SHPRH: variants seen among roughly 807,000 people sequenced by gnomAD.
SHPRH encodes the protein E3 ubiquitin-protein ligase SHPRH.
In SHPRH, 106 loss-of-function variants were observed where a neutral mutation model predicts 202.5. That is an observed-to-expected ratio of 0.52 (90% CI 0.45 to 0.62). SHPRH has a LOEUF of 0.62. Among genes scored for constraint, SHPRH ranks in the 20% least tolerant of loss-of-function variants. SHPRH has a pLI of 0.00. For missense variants in SHPRH, 1,710 were observed against 2,020.0 expected, an observed-to-expected ratio of 0.85 and a Z score of 2.94; for synonymous variants, 729 against 686.0, an observed-to-expected ratio of 1.06 and a Z score of -0.98.
chr6:145,940,216 T>C (rs1251137003), intron 11 of SHPRH, among the ~76,000 whole-genome samples: 1 of 152,128 alleles, frequency 6.6e-6, no homozygotes, highest in Non-Finnish European at 1.5e-5. Context: ...TATATACATA[T>C]AGTGTGACAT....
downstream of SHPRH, among the ~76,000 whole-genome samples, chr6:145,882,237 G>A (rs1319425903): frequency 1.3e-5 from 2 of 152,172 alleles, no homozygotes; most frequent in African/African-American, 2.4e-5. Context: ...TAAACGAGAT[G>A]ACTGCTTGAG....
downstream of SHPRH, among the ~76,000 whole-genome samples, chr6:145,880,347 G>A (rs1260004078): frequency 6.6e-6 from 1 of 152,036 alleles, no homozygotes; most frequent in East Asian, 1.9e-4. Flanking sequence ...TAAAAATACA[G>A]GCTGAGTGCA....
At chr6:145,903,623 GC>G (rs1317460426) in intron 25 of SHPRH, 1 of 152,032 alleles carries the variant, frequency 6.6e-6, no homozygotes, top group African/African-American at 2.4e-5. Flanking sequence ...GACAAAAAAA[GC>G]AATTGTGTAG....
At chr6:145,911,392 G>C (rs955108691) in intron 24 of SHPRH, among the ~76,000 whole-genome samples, 14 of 151,930 alleles carry the variant, frequency 9.2e-5, no homozygotes, top group African/African-American at 2.9e-4. Context: ...CTTCGGCCTG[G>C]GATTACAGGT....
At chr6:145,869,624 T>A (rs1779961612) in intron 2 of SHPRH, among the ~76,000 whole-genome samples, 1 of 152,186 alleles carries the variant, frequency 6.6e-6, no homozygotes, top group Non-Finnish European at 1.5e-5. Flanking sequence ...TTATCAAAGA[T>A]TAGTTGGCTA....
intron 8 of SHPRH, among the ~76,000 whole-genome samples, chr6:145,944,727 T>C (rs992701804): frequency 3.3e-5 from 5 of 152,138 alleles, no homozygotes; most frequent in African/African-American, 7.2e-5. Flanking sequence ...TCTTTATTTA[T>C]GATTGCAAAT....
At chr6:145,890,719 A>C (rs529300006) in intron 28 of SHPRH, among the ~76,000 whole-genome samples, 56 of 152,228 alleles carry the variant, frequency 3.7e-4, no homozygotes, top group Middle Eastern at 6.8e-3. Context: ...TACAGAATAG[A>C]AATCTCCATT....
At chr6:145,927,695 T>TA (rs746002559) in intron 14 of SHPRH, among the ~76,000 whole-genome samples, 3 of 150,372 alleles carry the variant, frequency 2.0e-5, no homozygotes, top group Non-Finnish European at 3.0e-5. Context: ...GATTATTTAT[T>TA]AAAAAAAAAA....
chr6:145,864,698 AG>A lies in SHPRH; in HGVS notation c.222-208del, dbSNP rs1779693903. On this transcript the variant is annotated intron_variant, in intron 2 of 2. Transcript: ENST00000417762. ...TTAAAATGTTTGGAGAATAAAGCTAAGGTTAAAAAAAAAGAGAAACTGCATT... is the reference window on the plus strand; with the variant it reads ...TTAAAATGTTTGGAGAATAAAGCTAAGTTAAAAAAAAAGAGAAACTGCATT... Among the ~76,000 whole-genome samples the A allele has an allele frequency of 2.0e-5, 3 of 151,594 alleles. No individual in the cohort carries two copies. In the South Asian group the frequency reaches 6.2e-4, roughly 32 times the overall value.
At chr6:145,889,198 C>T (rs1422622131) in intron 28 of SHPRH, among the ~76,000 whole-genome samples, 1 of 152,014 alleles carries the variant, frequency 6.6e-6, no homozygotes, top group African/African-American at 2.4e-5. Flanking sequence ...CTACCTAAAG[C>T]CCTAAGACTG....
chr6:145,934,945 TGG>T lies in SHPRH; in HGVS notation c.2950_2951del (p.Pro984ThrfsTer31). The T allele has an allele frequency of 6.2e-7, 1 of 1,611,936 alleles. No homozygotes were observed. The highest frequency in any genetic ancestry group is 8.5e-7 in the Non-Finnish European group (1 of 1,178,336). On this transcript the variant is annotated frameshift_variant, in exon 13 of 30. Coordinates refer to ENST00000275233, the MANE Select transcript of SHPRH (RefSeq NM_001042683.3). LOFTEE classifies it high-confidence loss of function. ...LLRLRQACCHPQAVRGEFLPL... is the reference protein window; with the variant it reads ...LLRLRQACCHXQAVRGEFLPL... Reference sequence around the variant, plus strand: ...GCAAGAACTCTCCACGAACAGCCTGTGGGTGACAGCAGGCCTGTCTGAGCCTC... The same window carrying T: ...GCAAGAACTCTCCACGAACAGCCTGTGTGACAGCAGGCCTGTCTGAGCCTC...
chr6:145,906,167 A>C (rs887397681), intron 25 of SHPRH: 2 of 152,106 alleles, frequency 1.3e-5, no homozygotes, highest in Middle Eastern at 3.4e-3. Context: ...AGCCCCCTGA[A>C]GCCCAGTTAT....
intron 2 of SHPRH, among the ~76,000 whole-genome samples, chr6:145,873,186 A>T (rs1780133675): frequency 1.3e-5 from 2 of 152,094 alleles, no homozygotes; most frequent in African/African-American, 4.8e-5. Context: ...TTAAAATAAA[A>T]GTTGGAAATA....
intron 24 of SHPRH, among the ~76,000 whole-genome samples, chr6:145,911,317 A>G (rs1483401540): frequency 6.6e-6 from 1 of 151,958 alleles, no homozygotes; most frequent in Non-Finnish European, 1.5e-5. Flanking sequence ...TTGTATTTTT[A>G]GTAGAGAGGG....
chr6:145,919,584 G>C (rs1275121058), intron 21 of SHPRH, 93 bp from the exon 22 acceptor site: 20 of 1,433,300 alleles, frequency 1.4e-5, no homozygotes, highest in Admixed American at 2.2e-5. Flanking sequence ...AGTCTTCAAT[G>C]AGATCTTACA....
chr6:145,939,905 G>A (rs953901824), intron 11 of SHPRH, among the ~76,000 whole-genome samples: 1 of 151,690 alleles, frequency 6.6e-6, no homozygotes, highest in Non-Finnish European at 1.5e-5. Context: ...ACGAAAACTT[G>A]GATTTTCAGA....
chr6:145,929,925 A>G (rs1785258404), intron 14 of SHPRH, among the ~76,000 whole-genome samples: 1 of 152,120 alleles, frequency 6.6e-6, no homozygotes, highest in Admixed American at 6.6e-5. Context: ...TGTTTTTATA[A>G]CGTTTTCAAT....
At chr6:145,866,656 C>T (rs1779794295) in intron 2 of SHPRH, among the ~76,000 whole-genome samples, 1 of 152,096 alleles carries the variant, frequency 6.6e-6, no homozygotes, top group South Asian at 2.1e-4. Context: ...ATTCAAAGAG[C>T]CAAAGGTGTA....
Position 145,910,639 on chromosome 6 carries a change from A to G in SHPRH, c.4327-3T>C, listed in dbSNP as rs536750187. Reference sequence around the variant, plus strand: ...TGACCACAGGTCAGTACCGCCCACTAAAAAGAAAACAGAACAAGCCTTAGT... The same window carrying G: ...TGACCACAGGTCAGTACCGCCCACTGAAAAGAAAACAGAACAAGCCTTAGT... On this transcript the variant is annotated splice_region_variant and splice_polypyrimidine_tract_variant and intron_variant, in intron 24 of 29. Transcript: ENST00000275233. 11 of 1,598,632 alleles carry G rather than the reference A, an allele frequency of 6.9e-6. No individual in the cohort carries two copies. The South Asian group carries it at 7.9e-5, about 11-fold the overall frequency.
Sources: allele counts gnomAD v4.1 joint callset (sites outside exome capture counted in the v4.1 genomes callset), GRCh38; gene constraint gnomAD v4.1.1; transcripts MANE v1.5; gene names NCBI Gene and HGNC (gene_info 2026-07-23, HGNC 2026-07-21).